Variants in IQCM observed in about 807,000 individuals in gnomAD.
IQCM encodes the protein IQ motif containing M, also known as IQ domain-containing protein M.
Under a neutral mutation model 57.6 loss-of-function variants are expected in IQCM, and 45 were observed. The ratio of observed to expected loss-of-function variants is 0.78; its 90% confidence interval spans 0.62 to 1.00. IQCM has a LOEUF of 1.00. IQCM is among the 50% of genes least tolerant of loss of function. IQCM has a pLI of 0.00. For synonymous variants in IQCM, 148 were observed against 158.9 expected (o/e 0.93, Z 0.51); for missense variants, 468 against 511.6 (o/e 0.91, Z 0.82).
At chr4:149,419,445 A>G (rs1209374681) in intron 13 of IQCM, among the ~76,000 whole-genome samples, 2 of 152,180 alleles carry the variant, frequency 1.3e-5, no homozygotes, top group Non-Finnish European at 2.9e-5. Flanking sequence ...CCATATGCAG[A>G]AAATTGAAAC....
chr4:149,484,140 C>T (rs1171356464), intron 12 of IQCM, among the ~76,000 whole-genome samples: 1 of 151,940 alleles, frequency 6.6e-6, no homozygotes, highest in Non-Finnish European at 1.5e-5. Flanking sequence ...TTTCCATTGG[C>T]ATGGAATATC....
At chr4:149,635,985 T>C (rs566404310) in intron 7 of IQCM, among the ~76,000 whole-genome samples, 1 of 152,210 alleles carries the variant, frequency 6.6e-6, no homozygotes, top group Non-Finnish European at 1.5e-5. Flanking sequence ...CTTTTAGGTA[T>C]AATATTAAGA....
rs1560766336 is a variant in IQCM at position 149,354,374 on chromosome 4, A to AAAAAAAAAAAAAC, written c.1391-2309_1391-2308insGTTTTTTTTTTTT. Among the ~76,000 whole-genome samples the AAAAAAAAAAAAAC allele has an allele frequency of 2.0e-4, 27 of 132,320 alleles. 2 individuals are homozygous for AAAAAAAAAAAAAC. Among genetic ancestry groups the AAAAAAAAAAAAAC allele is most frequent in the African/African-American group, 7.3e-4 (26 of 35,856 alleles). The allele number at this position is 132,320 out of a possible 152,430, so 86.8% of individuals were successfully genotyped here. A position where few individuals can be genotyped will look rare whatever the true frequency, so the allele number is the denominator to read the frequency against. ...GCGAGACTCCGTCTCAAAAAAAAAA[A>AAAAAAAAAAAAAC]AAAAAAAAAAAAAAACTGACAAATT... On this transcript the variant is annotated intron_variant, in intron 13 of 13. Transcript: ENST00000636793.
In IQCM at chr4:149,457,770, T is replaced by C. The variant is rs1367990885; in HGVS notation, c.1229-24213A>G. 2.6e-5 allele frequency among the ~76,000 whole-genome samples: 4 copies of C among 152,204 alleles called. No homozygotes were observed. The East Asian group carries it at 7.7e-4, about 29-fold the overall frequency. On this transcript the variant is annotated intron_variant, in intron 12 of 13. Transcript: ENST00000636793. ...AAATAGATTTTAGAATTCTACTGTT[T>C]TCTGTAACTGTAACATTTTCTATAG...
chr4:149,800,430 T>G (rs1773500946), intron 2 of IQCM, among the ~76,000 whole-genome samples: 1 of 151,792 alleles, frequency 6.6e-6, no homozygotes, highest in South Asian at 2.1e-4. Context: ...TCCTCTAAAA[T>G]CTGGAACACA....
chr4:149,402,832 G>C (rs1463402869), intron 13 of IQCM, among the ~76,000 whole-genome samples: 2 of 151,754 alleles, frequency 1.3e-5, no homozygotes, highest in African/African-American at 2.4e-5. Flanking sequence ...CACAAAAAAG[G>C]TTTTATCTAA....
intron 3 of IQCM, among the ~76,000 whole-genome samples, chr4:149,737,452 G>T (rs1767044379): frequency 1.3e-5 from 2 of 152,178 alleles, no homozygotes. Flanking sequence ...GTAAGAACTT[G>T]GTAGTAAGTA....
chr4:149,490,503 A>G (rs1222016609), intron 12 of IQCM, among the ~76,000 whole-genome samples: 1 of 152,132 alleles, frequency 6.6e-6, no homozygotes, highest in Non-Finnish European at 1.5e-5. Context: ...AAAACATACT[A>G]TGAGCCAAAT....
rs1166895870 is a variant in IQCM at position 149,735,423 on chromosome 4, G to GA, written c.72dup (p.Gln25SerfsTer12). 7 of 1,226,930 alleles carry GA rather than the reference G, an allele frequency of 5.7e-6. No homozygotes were observed. The highest frequency in any genetic ancestry group is 1.6e-5 in the African/African-American group (1 of 64,304). The allele number at this position is 1,226,930 out of a possible 1,614,324, so 76.0% of individuals were successfully genotyped here. A position where few individuals can be genotyped will look rare whatever the true frequency, so the allele number is the denominator to read the frequency against. Reference sequence around the variant, plus strand: ...TGGGCAATGAGAGTTTTTGCTTCTTGAAAAAAGTCTTGCTTGGTGATCTCT... The same window carrying GA: ...TGGGCAATGAGAGTTTTTGCTTCTTGAAAAAAAGTCTTGCTTGGTGATCTCT... On this transcript the variant is annotated frameshift_variant, in exon 4 of 14. Transcript: ENST00000636793. LOFTEE classifies it high-confidence loss of function.
At chr4:149,803,230 T>C (rs1773769955) in intron 2 of IQCM, among the ~76,000 whole-genome samples, 1 of 151,980 alleles carries the variant, frequency 6.6e-6, no homozygotes. Context: ...CTTGATTTTG[T>C]CTATTTCCCT....
At chr4:149,530,812 C>T (rs1027816622) in intron 12 of IQCM, among the ~76,000 whole-genome samples, 1 of 120,270 alleles carries the variant, frequency 8.3e-6, no homozygotes, top group Admixed American at 8.6e-5. Context: ...CACCCCCCCC[C>T]CACATACACA....
intron 7 of IQCM, among the ~76,000 whole-genome samples, chr4:149,624,360 C>A (rs1756616927): frequency 6.6e-6 from 1 of 152,198 alleles, no homozygotes; most frequent in Non-Finnish European, 1.5e-5. Flanking sequence ...CATCTCCCCT[C>A]ACTTTCTAGC....
chr4:149,716,329 G>A (rs1054223454), intron 5 of IQCM, among the ~76,000 whole-genome samples: 5 of 152,216 alleles, frequency 3.3e-5, no homozygotes, highest in Admixed American at 6.5e-5. Flanking sequence ...TGGCTGGGTC[G>A]TGACAGTGCC....
At chr4:149,732,344 C>T (rs947545661) in intron 5 of IQCM, among the ~76,000 whole-genome samples, 2 of 152,112 alleles carry the variant, frequency 1.3e-5, no homozygotes, top group African/African-American at 4.8e-5. Flanking sequence ...TGTTTCCATC[C>T]TACTTCTCCT....
chr4:149,521,116 C>T (rs72955466), intron 12 of IQCM, among the ~76,000 whole-genome samples: 2,190 of 152,264 alleles, frequency 0.014, 36 homozygotes, highest in African/African-American at 0.042. Flanking sequence ...ATGAATAGTT[C>T]TTTCTGTTCA....
chr4:149,484,992 C>T (rs534492428), intron 12 of IQCM, among the ~76,000 whole-genome samples: 6 of 151,954 alleles, frequency 3.9e-5, no homozygotes, highest in African/African-American at 1.4e-4. Flanking sequence ...TTTTTTGTTT[C>T]TGTTTTTCTT....
At chr4:149,375,166 C>T (rs935651973) in intron 13 of IQCM, among the ~76,000 whole-genome samples, 2 of 152,024 alleles carry the variant, frequency 1.3e-5, no homozygotes, top group African/African-American at 4.8e-5. Flanking sequence ...AAATAAATAC[C>T]ATACATATTT....
intron 11 of IQCM, among the ~76,000 whole-genome samples, chr4:149,550,878 T>C (rs1748963026): frequency 6.6e-6 from 1 of 152,208 alleles, no homozygotes; most frequent in African/African-American, 2.4e-5. Flanking sequence ...AAATTATTCA[T>C]TTACCAATTT....
intron 8 of IQCM, among the ~76,000 whole-genome samples, chr4:149,613,796 A>C (rs1755531633): frequency 6.6e-6 from 1 of 151,570 alleles, no homozygotes; most frequent in Admixed American, 6.6e-5. Flanking sequence ...TTCAATTCCC[A>C]CCTATGAGTG....
Sources: allele counts gnomAD v4.1 joint callset (sites outside exome capture counted in the v4.1 genomes callset), GRCh38; gene constraint gnomAD v4.1.1; transcripts MANE v1.5; gene names NCBI Gene and HGNC (gene_info 2026-07-23, HGNC 2026-07-21).